The following PRORP variants were observed in gnomAD, a reference collection of about 807,000 sequenced individuals.
The protein encoded by PRORP is protein only RNase P catalytic subunit.
PRORP carries 51 observed loss-of-function variants against 59.4 expected under a neutral mutation model. The ratio of observed to expected loss-of-function variants is 0.86; its 90% CI spans 0.69 to 1.08. PRORP has a LOEUF of 1.08. Ranked by LOEUF, PRORP falls within the 50% of genes least tolerant of loss-of-function variation. PRORP has a pLI of 0.00. For synonymous variants in PRORP, 231 were observed against 245.6 expected, an observed-to-expected ratio of 0.94 and a Z score of 0.55; for missense variants, 646 against 690.3, an observed-to-expected ratio of 0.94 and a Z score of 0.72.
At chr14:35,267,554 C>T (rs1053322798) in intron 6 of PRORP, among the ~76,000 whole-genome samples, 7 of 152,076 alleles carry the variant, frequency 4.6e-5, no homozygotes, top group East Asian at 3.9e-4. Context: ...GAGGCCGAGG[C>T]GGGCAGATCA....
At chr14:35,221,823 CTTCTA>C (rs1236168832) in intron 5 of PRORP, among the ~76,000 whole-genome samples, 1 of 152,150 alleles carries the variant, frequency 6.6e-6, no homozygotes, top group Non-Finnish European at 1.5e-5. Context: ...TATCTTCAGA[CTTCTA>C]TTCTTCCCTT....
At chr14:35,174,747 T>C (rs2048402497) in intron 4 of PRORP, among the ~76,000 whole-genome samples, 1 of 94,974 alleles carries the variant, frequency 1.1e-5, no homozygotes, top group Admixed American at 1.1e-4. Flanking sequence ...TTCTTTTTTT[T>C]TTCTTTTTTT....
intron 5 of PRORP, among the ~76,000 whole-genome samples, chr14:35,225,858 G>A (rs570745555): frequency 6.6e-6 from 1 of 152,038 alleles, no homozygotes; most frequent in African/African-American, 2.4e-5. Flanking sequence ...ACCAGCCTGG[G>A]CAACATAACG....
At chr14:35,174,849 C>T (rs2048406986) in intron 4 of PRORP, among the ~76,000 whole-genome samples, 1 of 150,416 alleles carries the variant, frequency 6.6e-6, no homozygotes, top group South Asian at 2.1e-4. Flanking sequence ...CCCGTTAACT[C>T]GTCATTTACG....
intron 4 of PRORP, among the ~76,000 whole-genome samples, chr14:35,173,551 C>T (rs2048371197): frequency 6.6e-6 from 1 of 152,030 alleles, no homozygotes; most frequent in Non-Finnish European, 1.5e-5. Flanking sequence ...TTCTAGGATT[C>T]CCTGTCATTT....
At chr14:35,130,484 CTT>C (rs58327846) in intron 4 of PRORP, among the ~76,000 whole-genome samples, 1 of 146,810 alleles carries the variant, frequency 6.8e-6, no homozygotes. Flanking sequence ...ATGTCCTTTT[CTT>C]TTTTTTTTTC....
chr14:35,178,402 C>G lies in PRORP; in HGVS notation c.1168-2268C>G, dbSNP rs186210635. Among the ~76,000 whole-genome samples, 488 of 152,270 alleles carry G rather than the reference C, an allele frequency of 3.2e-3. 2 individuals carry two copies. Among genetic ancestry groups the G allele is most frequent in the African/African-American group, 0.011 (468 of 41,550 alleles). ...AAGTCTCTTTGTAAGTCTCTGAGGA[C>G]TTGCTTTATGAATCTGGGTGCTCCT... is the stretch of plus-strand genomic sequence containing the variant. On this transcript the variant is annotated intron_variant, in intron 4 of 7. Transcript: ENST00000534898.
intron 4 of PRORP, among the ~76,000 whole-genome samples, chr14:35,175,259 GT>G (rs1361201035): frequency 6.6e-6 from 1 of 152,124 alleles, no homozygotes; most frequent in Non-Finnish European, 1.5e-5. Flanking sequence ...TATATAACCA[GT>G]AATGGGATGG....
intron 4 of PRORP, among the ~76,000 whole-genome samples, chr14:35,171,170 A>G (rs1440298035): frequency 6.6e-6 from 1 of 151,516 alleles, no homozygotes; most frequent in African/African-American, 2.4e-5. Flanking sequence ...TTGTAGAGAC[A>G]GTATCTTGCT....
intron 4 of PRORP, among the ~76,000 whole-genome samples, chr14:35,133,924 A>G (rs1355506418): frequency 6.6e-6 from 1 of 152,222 alleles, no homozygotes; most frequent in African/African-American, 2.4e-5. Flanking sequence ...GTGCTGGGCC[A>G]GACCTGAAGC....
rs567681065 is a variant in PRORP at position 35,221,842 on chromosome 14, C to G, written c.1275+41065C>G. Reference sequence around the variant, plus strand: ...TTCAGACTTCTATTCTTCCCTTTCTCCCTTCTTTACAGATAACCAGTAGTG... The same window carrying G: ...TTCAGACTTCTATTCTTCCCTTTCTGCCTTCTTTACAGATAACCAGTAGTG... On this transcript the variant is annotated intron_variant, in intron 5 of 7. Transcript: ENST00000534898. 5.3e-5 allele frequency among the ~76,000 whole-genome samples: 8 copies of G among 152,272 alleles called. No homozygotes were observed. The South Asian group carries it at 1.7e-3, about 32-fold the overall frequency.
At chr14:35,126,910 G>T in intron 3 of PRORP, 128 bp downstream of exon 3, 1 of 697,282 alleles carries the variant, frequency 1.4e-6, no homozygotes, top group South Asian at 2.0e-5. Context: ...GAGTATCTGA[G>T]GAAAAAAACA....
At chr14:35,273,117 G>A (rs760896288) in intron 7 of PRORP, among the ~76,000 whole-genome samples, 1 of 152,062 alleles carries the variant, frequency 6.6e-6, no homozygotes, top group Non-Finnish European at 1.5e-5. Flanking sequence ...CTGCAGTTGT[G>A]GAAGGCTGAC....
intron 4 of PRORP, among the ~76,000 whole-genome samples, chr14:35,170,316 T>G (rs2048283293): frequency 6.6e-6 from 1 of 152,190 alleles, no homozygotes; most frequent in Non-Finnish European, 1.5e-5. Flanking sequence ...TGATGTCTCC[T>G]TTTGGGTTAA....
At position 35,210,465 on chromosome 14, in the gene PRORP, TAGTTTGTAGTTAGG is replaced by T. The variant is rs1344150020; in HGVS notation, c.1275+29694_1275+29707del. ...TTGGTTGTTTTTTGTTTTTAACTTT[TAGTTTGTAGTTAGG>T]AGTTTTATTCAGCCCATAGAAAAAG... On this transcript the variant is annotated intron_variant, in intron 5 of 7. Transcript: ENST00000534898. Among the ~76,000 whole-genome samples, 4 of 152,202 alleles carry T rather than the reference TAGTTTGTAGTTAGG, an allele frequency of 2.6e-5. No homozygotes were observed. In the East Asian group the frequency reaches 7.7e-4, roughly 29 times the overall value.
At chr14:35,127,203 C>T (rs561400342) in intron 3 of PRORP, among the ~76,000 whole-genome samples, 1 of 151,320 alleles carries the variant, frequency 6.6e-6, no homozygotes, top group Non-Finnish European at 1.5e-5. Flanking sequence ...CCATCCTGGC[C>T]AACATGTTGA....
At chr14:35,174,885 C>G (rs1157456832) in intron 4 of PRORP, among the ~76,000 whole-genome samples, 1 of 110,750 alleles carries the variant, frequency 9.0e-6, no homozygotes, top group African/African-American at 3.4e-5. Flanking sequence ...AGTGCTATCC[C>G]TCCCCCCTCC....
At chr14:35,173,284 G>A (rs1231754041) in intron 4 of PRORP, among the ~76,000 whole-genome samples, 1 of 152,128 alleles carries the variant, frequency 6.6e-6, no homozygotes, top group Non-Finnish European at 1.5e-5. Flanking sequence ...ACATTGCAGA[G>A]GCTTTAGAGA....
Position 35,124,088 on chromosome 14 carries a change from T to C in PRORP, c.843T>C (p.Thr281=). ...LGHDIVPMLE[T]LKAFFDFGKD... is the part of the protein sequence containing the mutation. ...ATGATATTGTTCCTATGTTGGAAAC[T>C]TTAAAAGCTTTCTTTGATTTTGGAA... The change falls in exon 2 of 8, where the codon ACT becomes ACC. Residue 281 remains threonine (T), a synonymous_variant. Transcript: ENST00000534898. 3 of 1,613,820 alleles carry C rather than the reference T, an allele frequency of 1.9e-6. No homozygotes were observed. Among genetic ancestry groups the C allele is most frequent in the Non-Finnish European group, 2.5e-6 (3 of 1,179,884 alleles).
Sources: allele counts gnomAD v4.1 joint callset (sites outside exome capture counted in the v4.1 genomes callset), GRCh38; gene constraint gnomAD v4.1.1; transcripts MANE v1.5; gene names NCBI Gene and HGNC (gene_info 2026-07-23, HGNC 2026-07-21).